The following MEIS1 variants were observed in gnomAD, a reference collection of about 807,000 sequenced individuals.
MEIS1 encodes homeobox protein Meis1.
Under a neutral mutation model 50.8 loss-of-function variants are expected in MEIS1, and 5 were observed. That is an observed-to-expected ratio of 0.10 (90% CI 0.05 to 0.21). The LOEUF (loss-of-function observed/expected upper bound fraction) is 0.21, where lower values mean the gene tolerates loss of function less well. Among genes scored for constraint, MEIS1 ranks in the 10% least tolerant of loss-of-function variants. MEIS1 has a pLI of 1.00. For synonymous variants in MEIS1, 176 were observed against 179.3 expected, an observed-to-expected ratio of 0.98 and a Z score of 0.15; for missense variants, 318 against 517.3, an observed-to-expected ratio of 0.61 and a Z score of 3.74.
chr2:66,534,931 G>A (rs1674483309), intron 8 of MEIS1, among the ~76,000 whole-genome samples: 1 of 152,162 alleles, frequency 6.6e-6, no homozygotes, highest in Admixed American at 6.5e-5. Context: ...AAGTTCATTA[G>A]GAATGATGGC....
Position 66,477,511 on chromosome 2 carries a change from C to G in MEIS1, c.742+13291C>G, listed in dbSNP as rs528266510. Among the ~76,000 whole-genome samples, 6 of 152,320 alleles carry G rather than the reference C, an allele frequency of 3.9e-5. No homozygotes were observed. The South Asian group carries it at 1.2e-3, about 32-fold the overall frequency. On this transcript the variant is annotated intron_variant, in intron 7 of 12. Coordinates refer to ENST00000272369, the MANE Select transcript of MEIS1 (RefSeq NM_002398.3). The stretch of plus-strand genomic sequence containing the variant: ...TGGGCAGAGGTGATGCTTTTCCCAC[C>G]TGTTCCTGAGGATGGCTTGCAGAAA...
chr2:66,566,309 T>C (rs1487491430), intron 9 of MEIS1, among the ~76,000 whole-genome samples: 1 of 152,206 alleles, frequency 6.6e-6, no homozygotes, highest in African/African-American at 2.4e-5. Context: ...CCTGTCTGTT[T>C]AATGGTTTGG....
chr2:66,507,452 C>T (rs1380353913), intron 7 of MEIS1, among the ~76,000 whole-genome samples: 1 of 152,170 alleles, frequency 6.6e-6, no homozygotes, highest in Non-Finnish European at 1.5e-5. Flanking sequence ...TTTGCCCTGG[C>T]AGTTGAAAGT....
chr2:66,559,440 A>C (rs1675156869), intron 9 of MEIS1, among the ~76,000 whole-genome samples: 1 of 152,194 alleles, frequency 6.6e-6, no homozygotes, highest in South Asian at 2.1e-4. Context: ...TTGGCAGAAA[A>C]CTAGAATTTG....
chr2:66,474,269 G>A (rs1041689363), intron 7 of MEIS1, among the ~76,000 whole-genome samples: 1 of 152,148 alleles, frequency 6.6e-6, no homozygotes, highest in African/African-American at 2.4e-5. Flanking sequence ...ATGGGTGGAT[G>A]CCAGGAGCAG....
intron 8 of MEIS1, 106 bp downstream of exon 8, chr2:66,512,400 T>C: frequency 7.8e-7 from 1 of 1,278,080 alleles, no homozygotes; most frequent in Non-Finnish European, 1.0e-6. Flanking sequence ...AAATATTTAA[T>C]AAATAACTGT....
At chr2:66,541,629 A>G (rs1674655329) in intron 8 of MEIS1, among the ~76,000 whole-genome samples, 1 of 152,194 alleles carries the variant, frequency 6.6e-6, no homozygotes, top group Non-Finnish European at 1.5e-5. Flanking sequence ...TAAACAAAAA[A>G]TGGAGCCCAT....
At chr2:66,526,057 G>T (rs1558550686) in intron 8 of MEIS1, among the ~76,000 whole-genome samples, 1 of 152,200 alleles carries the variant, frequency 6.6e-6, no homozygotes, top group South Asian at 2.1e-4. Flanking sequence ...ACTGCCTTGT[G>T]TACTTTATCT....
chr2:66,568,489 A>T (rs1675404947), intron 10 of MEIS1, 178 bp from the exon 11 acceptor site: 9 of 511,506 alleles, frequency 1.8e-5, no homozygotes. Flanking sequence ...TTAAAAACTC[A>T]GTCACAGAGG....
intron 7 of MEIS1, among the ~76,000 whole-genome samples, chr2:66,500,543 G>A (rs1673528099): frequency 6.6e-6 from 1 of 152,074 alleles, no homozygotes; most frequent in Non-Finnish European, 1.5e-5. Flanking sequence ...TCCTGCCTCA[G>A]CCTCCCGAGT....
intron 9 of MEIS1, among the ~76,000 whole-genome samples, chr2:66,552,397 G>A (rs1187479631): frequency 6.6e-6 from 1 of 152,070 alleles, no homozygotes; most frequent in Non-Finnish European, 1.5e-5. Context: ...GGTTTTAGGT[G>A]CAAAATATAT....
At chr2:66,515,328 A>G (rs1673938631) in intron 8 of MEIS1, among the ~76,000 whole-genome samples, 1 of 152,208 alleles carries the variant, frequency 6.6e-6, no homozygotes, top group East Asian at 1.9e-4. Flanking sequence ...GGGTTTATTC[A>G]GTGAAAAAAT....
intron 7 of MEIS1, among the ~76,000 whole-genome samples, chr2:66,500,549 C>A (rs914571306): frequency 1.3e-5 from 2 of 152,054 alleles, no homozygotes; most frequent in Non-Finnish European, 2.9e-5. Flanking sequence ...CTCAGCCTCC[C>A]GAGTAGCTGG....
chr2:66,571,220 GTTTC>G (rs1261814536), intron 12 of MEIS1, 22 bp from the exon 13 acceptor site: 2 of 1,546,444 alleles, frequency 1.3e-6, no homozygotes, highest in Non-Finnish European at 1.7e-6. Flanking sequence ...TTTTCTTTTT[GTTTC>G]TTTCTTTTGA....
chr2:66,451,789 G>GATACTTTAGAGTATCTAAAGT (rs1209719055), intron 6 of MEIS1, among the ~76,000 whole-genome samples: 1 of 151,740 alleles, frequency 6.6e-6, no homozygotes, highest in Non-Finnish European at 1.5e-5. Flanking sequence ...TCAAAATGGA[G>GATACTTTAGAGTATCTAAAGT]ATACTTTAGA....
At chr2:66,464,679 G>C (rs1425711600) in intron 7 of MEIS1, among the ~76,000 whole-genome samples, 1 of 152,126 alleles carries the variant, frequency 6.6e-6, no homozygotes, top group African/African-American at 2.4e-5. Context: ...CTGGGTTGAA[G>C]TCATTTTTTT....
intron 6 of MEIS1, among the ~76,000 whole-genome samples, chr2:66,446,039 G>T (rs1318184277): frequency 6.6e-6 from 1 of 152,124 alleles, no homozygotes; most frequent in Non-Finnish European, 1.5e-5. Flanking sequence ...GCTCCCAGAG[G>T]CTAGGGGAAG....
intron 7 of MEIS1, among the ~76,000 whole-genome samples, chr2:66,476,654 C>T (rs559808119): frequency 1.3e-5 from 2 of 152,250 alleles, no homozygotes; most frequent in East Asian, 1.9e-4. Context: ...TGCCTGGCAT[C>T]GGATGGGCCT....
intron 7 of MEIS1, among the ~76,000 whole-genome samples, chr2:66,479,003 T>C (rs1287795224): frequency 6.6e-6 from 1 of 152,242 alleles, no homozygotes; most frequent in Non-Finnish European, 1.5e-5. Context: ...AACTGACAGA[T>C]GTTTGCATCT....
Sources: gnomAD v4.1 joint callset for allele counts (sites outside exome capture counted in the v4.1 genomes callset) on GRCh38, gnomAD v4.1.1 for gene constraint, MANE v1.5 for transcripts, NCBI Gene and HGNC (gene_info 2026-07-23, HGNC 2026-07-21) for gene names.